Variants in DEPDC5 observed in about 807,000 individuals in gnomAD.
DEPDC5 encodes DEP domain containing 5, GATOR1 subcomplex subunit.
A neutral mutation model predicts 217.3 loss-of-function variants in DEPDC5; 73 were observed. The observed-to-expected ratio is 0.34, with a 90% CI of 0.28 to 0.41. The LOEUF (loss-of-function observed/expected upper bound fraction) is 0.41. Ranked by LOEUF, DEPDC5 falls within the 10% of genes least tolerant of loss-of-function variation. DEPDC5 has a pLI of 1.00. For missense variants in DEPDC5, 1,675 were observed against 2,070.1 expected (o/e 0.81, Z 3.70); for synonymous variants, 733 against 756.7 (o/e 0.97, Z 0.51).
intron 12 of DEPDC5, among the ~76,000 whole-genome samples, chr22:31,794,664 T>A (rs1486811975): frequency 6.6e-6 from 1 of 152,064 alleles, no homozygotes; most frequent in Non-Finnish European, 1.5e-5. Flanking sequence ...CCAGGCACAT[T>A]GCCTGAGCTC....
chr22:31,880,829 C>T (rs2149302686), intron 38 of DEPDC5, among the ~76,000 whole-genome samples: 1 of 150,602 alleles, frequency 6.6e-6, no homozygotes, highest in Non-Finnish European at 1.5e-5. Context: ...TCGAGACCAT[C>T]CTGGCTAACA....
chr22:31,828,452 C>CAAAAAAA (rs35489633), intron 24 of DEPDC5, among the ~76,000 whole-genome samples: 2 of 73,196 alleles, frequency 2.7e-5, no homozygotes, highest in African/African-American at 5.6e-5. Flanking sequence ...AACTCCGTCT[C>CAAAAAAA]AAAAAAAAAA....
chr22:31,897,150 C>T (rs1321073187), intron 39 of DEPDC5, among the ~76,000 whole-genome samples: 2 of 152,072 alleles, frequency 1.3e-5, no homozygotes, highest in Non-Finnish European at 1.5e-5. Context: ...AGGACTTAAC[C>T]TCTATCCTGT....
In DEPDC5 at chr22:31,906,008, T is replaced by C. The variant is rs2093751385; in HGVS notation, c.4461T>C (p.Tyr1487=). 3.1e-6 allele frequency: 5 copies of C among 1,614,106 alleles called. No individual in the cohort carries two copies. The highest frequency in any genetic ancestry group is 2.5e-6 in the Non-Finnish European group (3 of 1,180,052). Reference sequence around the variant, plus strand: ...GGTTTGGGTTTGTACAAGATAAATATTCTGCCTCTGCTTTTAACTTCCCTG... The same window carrying C: ...GGTTTGGGTTTGTACAAGATAAATACTCTGCCTCTGCTTTTAACTTCCCTG... ...AHRFGFVQDK[Y]SASAFNFPAE... is the part of the protein sequence containing the mutation. The change falls in exon 42 of 43, where the codon TAT becomes TAC. Residue 1487 remains tyrosine (Y), a synonymous_variant. Coordinates refer to ENST00000651528, the MANE Select transcript of DEPDC5 (RefSeq NM_001242896.3). The surrounding 1 kb of genome is among the most constrained non-coding windows in gnomAD (Gnocchi z 5.1).
Position 31,897,534 on chromosome 22 carries a change from T to C in DEPDC5, c.4256T>C (p.Val1419Ala). The change falls in exon 40 of 43, where the codon GTT becomes GCT. Residue 1419 changes from valine (V) to alanine (A), a missense_variant. Val to Ala is a moderately conservative substitution (Grantham distance 64). Around this residue, in one of 11 missense-constraint regions of DEPDC5, gnomAD observed 182 missense variants for 290.1 expected, o/e 0.63. Coordinates refer to ENST00000651528, the MANE Select transcript of DEPDC5 (RefSeq NM_001242896.3). ...ATSCGFLLVP[V>A]LEGPFALPSY... ...TCCTGTGGCTTCTTGTTAGTCCCAG[T>C]TTTGGAGGGGCCTTTTGCACTGCCC... 6.2e-7 allele frequency: 1 copy of C among 1,613,984 alleles called. No homozygotes were observed. Among genetic ancestry groups the C allele is most frequent in the Non-Finnish European group, 8.5e-7 (1 of 1,179,940 alleles).
chr22:31,801,484 T>C (rs907912481), intron 14 of DEPDC5, among the ~76,000 whole-genome samples: 3 of 152,170 alleles, frequency 2.0e-5, no homozygotes, highest in Non-Finnish European at 4.4e-5. Flanking sequence ...AGCCGAAATA[T>C]ATTGTTTGCA....
Position 31,901,691 on chromosome 22 carries a change from A to G in DEPDC5, c.4376-51A>G, listed in dbSNP as rs374200755. On this transcript the variant is annotated intron_variant, in intron 40 of 42. Coordinates refer to ENST00000651528, the MANE Select transcript of DEPDC5 (RefSeq NM_001242896.3). ...GGTACAGAAGACTGGCCCAGAGAGA[A>G]TTACAAACCTTGTGATCACAACCCA... 540 of 1,520,752 alleles carry G rather than the reference A, an allele frequency of 3.6e-4. 1 individual carries two copies. Among genetic ancestry groups the G allele is most frequent in the Non-Finnish European group, 4.4e-4 (493 of 1,111,668 alleles). The allele number at this position is 1,520,752 out of a possible 1,614,324, so 94.2% of individuals were successfully genotyped here.
chr22:31,851,786 C>T (rs1385425302), intron 31 of DEPDC5, among the ~76,000 whole-genome samples: 1 of 152,200 alleles, frequency 6.6e-6, no homozygotes, highest in Admixed American at 6.5e-5. Context: ...ATTGAACAAG[C>T]AAACGTGAGG....
chr22:31,876,255 G>C lies in DEPDC5; in HGVS notation c.3795G>C (p.Glu1265Asp). ...FYFYKIVTDK[E>D]PDRVAMQQPA... ...TCTACAAGATAGTAACGGACAAAGAGCCCGACCGAGGTTAGAGCCGAGGCG... is the reference window on the plus strand; with the variant it reads ...TCTACAAGATAGTAACGGACAAAGACCCCGACCGAGGTTAGAGCCGAGGCG... Residue 1265 changes from glutamate (E) to aspartate (D), a missense_variant, in exon 37 of 43, where the codon GAG (glutamate) becomes GAC (aspartate). Transcript: ENST00000651528. 6.2e-7 allele frequency: 1 copy of C among 1,613,464 alleles called. No homozygotes were observed. Among genetic ancestry groups the C allele is most frequent in the Non-Finnish European group, 8.5e-7 (1 of 1,179,954 alleles).
At chr22:31,851,752 C>T (rs184655911) in intron 31 of DEPDC5, among the ~76,000 whole-genome samples, 68 of 152,246 alleles carry the variant, frequency 4.5e-4, no homozygotes, top group African/African-American at 1.3e-3. Context: ...GGAACCTGCA[C>T]ACATTAGGCT....
chr22:31,821,576 A>G lies in DEPDC5; in HGVS notation c.1945A>G (p.Arg649Gly), dbSNP rs775910110. Residue 649 changes from arginine to glycine, a missense_variant, in exon 23 of 43, where the codon AGG (arginine) becomes GGG (glycine). Transcript: ENST00000651528. ...GGCGGAGCTACAAGGCAGCGGGCAG[A>G]GGGATCCAACTCACTCCTCTGCAGA... ...NMAELQGSGQRDPTHSSAELL... is the reference protein window; with the variant it reads ...NMAELQGSGQGDPTHSSAELL... 9 of 1,614,134 alleles carry G rather than the reference A, an allele frequency of 5.6e-6. No individual in the cohort carries two copies. In the African/African-American group the frequency reaches 9.3e-5, roughly 17 times the overall value.
chr22:31,767,727 C>T (rs923777471), intron 6 of DEPDC5, among the ~76,000 whole-genome samples: 9 of 151,688 alleles, frequency 5.9e-5, no homozygotes, highest in Non-Finnish European at 8.8e-5. Flanking sequence ...GCATCGTGCC[C>T]GGCCCATTTT....
chr22:31,873,437 C>T, intron 35 of DEPDC5, 105 bp downstream of exon 35: 1 of 1,276,940 alleles, frequency 7.8e-7, no homozygotes, highest in Non-Finnish European at 1.1e-6. Flanking sequence ...CTGTACTTCT[C>T]ACCAGTTTTG....
At chr22:31,787,761 T>C (rs1466320313) in intron 10 of DEPDC5, among the ~76,000 whole-genome samples, 1 of 150,902 alleles carries the variant, frequency 6.6e-6, no homozygotes, top group South Asian at 2.1e-4. Context: ...ACAGTATGAT[T>C]GTACCACTGC....
At chr22:31,793,600 T>C (rs1239373895) in intron 12 of DEPDC5, among the ~76,000 whole-genome samples, 1 of 152,016 alleles carries the variant, frequency 6.6e-6, no homozygotes, top group East Asian at 1.9e-4. Flanking sequence ...GAGACACAAT[T>C]TCACTCTCTC....
rs558586417 is a variant in DEPDC5 at position 31,782,178 on chromosome 22, C to T, written c.484-1729C>T. Among the ~76,000 whole-genome samples, 3 of 149,258 alleles carry T rather than the reference C, an allele frequency of 2.0e-5. No homozygotes were observed. In the East Asian group the frequency reaches 5.9e-4, roughly 29 times the overall value. ...TTTGAGGTGGAGTCTCACTCTGTTG[C>T]CCAGGCTGGAGTGCAGTGGTATGAT... On this transcript the variant is annotated intron_variant, in intron 8 of 42. Transcript: ENST00000651528.
chr22:31,796,262 G>A (rs368449019), intron 12 of DEPDC5, among the ~76,000 whole-genome samples: 2 of 151,714 alleles, frequency 1.3e-5, no homozygotes, highest in South Asian at 2.1e-4. Flanking sequence ...CACCACACCC[G>A]GCTAATTTTT....
rs940321105 is a variant in DEPDC5, at chr22:31,838,923, G to C, written c.2515+78G>C. 4 of 1,457,058 alleles carry C rather than the reference G, an allele frequency of 2.7e-6. No homozygotes were observed. In the African/African-American group the frequency reaches 5.7e-5, roughly 21 times the overall value. The allele number at this position is 1,457,058 out of a possible 1,614,324, so 90.3% of individuals were successfully genotyped here. A position where few individuals can be genotyped will look rare whatever the true frequency, so the allele number is the denominator to read the frequency against. On this transcript the variant is annotated intron_variant, in intron 27 of 42. Transcript: ENST00000651528. Reference sequence around the variant, plus strand: ...AAGTGGGTTTTCAAGATGGTAGGTAGTAGATAAATTTAGTAGTAATCGTTT... The same window carrying C: ...AAGTGGGTTTTCAAGATGGTAGGTACTAGATAAATTTAGTAGTAATCGTTT...
chr22:31,848,871 A>T (rs1215655702), intron 31 of DEPDC5, among the ~76,000 whole-genome samples: 1 of 152,140 alleles, frequency 6.6e-6, no homozygotes, highest in East Asian at 1.9e-4. Flanking sequence ...CTTCCGCCAG[A>T]TACCCTAAAT....
Sources: gnomAD v4.1 joint callset for allele counts (sites outside exome capture counted in the v4.1 genomes callset) on GRCh38, gnomAD v4.1.1 for gene constraint, gnomAD v4.1.1 regional missense constraint, Gnocchi (gnomAD v3.1) non-coding constraint, MANE v1.5 for transcripts, NCBI Gene and HGNC (gene_info 2026-07-23, HGNC 2026-07-21) for gene names.